GAS7: variants seen among roughly 807,000 people sequenced by gnomAD.
GAS7 encodes growth arrest-specific protein 7.
A neutral mutation model predicts 71.1 loss-of-function variants in GAS7; 28 were observed. That is an observed-to-expected ratio of 0.39 (90% CI 0.29 to 0.54). The LOEUF (loss-of-function observed/expected upper bound fraction) is 0.54, where lower values mean the gene tolerates loss of function less well. Ranked by LOEUF, GAS7 falls within the 20% of genes least tolerant of loss-of-function variation. GAS7 has a pLI of 0.62. For synonymous variants in GAS7, 258 were observed against 245.8 expected (o/e 1.05, Z -0.46); for missense variants, 436 against 627.8 (o/e 0.69, Z 3.27).
intron 5 of GAS7, among the ~76,000 whole-genome samples, chr17:9,947,804 A>G (rs1390895171): frequency 6.7e-6 from 1 of 148,214 alleles, no homozygotes; most frequent in Non-Finnish European, 1.5e-5. Flanking sequence ...AAAATGTGCC[A>G]GGATATATGG....
chr17:10,131,327 C>T (rs1174131457), intron 1 of GAS7, among the ~76,000 whole-genome samples: 3 of 152,192 alleles, frequency 2.0e-5, no homozygotes, highest in African/African-American at 7.2e-5. Context: ...ACTTCAAAGT[C>T]TCATGTATTC....
intron 1 of GAS7, among the ~76,000 whole-genome samples, chr17:10,128,396 G>A (rs191988980): frequency 2.6e-4 from 39 of 152,304 alleles, no homozygotes; most frequent in African/African-American, 9.4e-4. Context: ...AGGGGTGGAT[G>A]GGAGACCCAC....
chr17:9,962,585 A>T (rs1221075957), intron 4 of GAS7, among the ~76,000 whole-genome samples: 1 of 152,216 alleles, frequency 6.6e-6, no homozygotes, highest in Non-Finnish European at 1.5e-5. Context: ...GGGAGAGAAC[A>T]TTTATTTCAG....
intron 11 of GAS7, among the ~76,000 whole-genome samples, chr17:9,920,703 G>A (rs765095957): frequency 3.3e-5 from 5 of 152,212 alleles, no homozygotes; most frequent in Admixed American, 6.5e-5. Flanking sequence ...TCTCATGCAC[G>A]GCTTTGTCTC....
chr17:10,086,392 C>G (rs2073519693), intron 1 of GAS7, among the ~76,000 whole-genome samples: 1 of 152,146 alleles, frequency 6.6e-6, no homozygotes, highest in Non-Finnish European at 1.5e-5. Flanking sequence ...TGAGTGTCCC[C>G]CTGCAACTCT....
At chr17:9,918,600 T>C (rs1176107795) in intron 12 of GAS7, among the ~76,000 whole-genome samples, 3 of 152,208 alleles carry the variant, frequency 2.0e-5, no homozygotes, top group African/African-American at 7.2e-5. Flanking sequence ...TGCCACACAT[T>C]CCTGGGACCT....
intron 1 of GAS7, among the ~76,000 whole-genome samples, chr17:10,020,964 C>T (rs1455483082): frequency 6.6e-6 from 1 of 152,016 alleles, no homozygotes. Flanking sequence ...CAGCCACGAT[C>T]CCTGGGTGCT....
At chr17:10,126,764 G>C (rs1341768423) in intron 1 of GAS7, among the ~76,000 whole-genome samples, 2 of 152,214 alleles carry the variant, frequency 1.3e-5, no homozygotes, top group Admixed American at 1.3e-4. Context: ...CGTGGGGCAC[G>C]GGGAAGAGAC....
Position 10,036,679 on chromosome 17 carries a change from TCCAAATCC to T in GAS7, c.184-16790_184-16783del. ...GAACCCACTACATTGCATAGTTCCT[TCCAAATCC>T]GCTCCAGTGCTTGCTGGGAAATTAA... On this transcript the variant is annotated intron_variant, in intron 1 of 13. Transcript: ENST00000432992. 3.0e-6 allele frequency: 4 copies of T among 1,322,234 alleles called. No homozygotes were observed. The Middle Eastern group carries it at 8.6e-4, about 285-fold the overall frequency. The allele number at this position is 1,322,234 out of a possible 1,614,324, so 81.9% of individuals were successfully genotyped here.
At chr17:10,193,201 G>A (rs1337301537) in intron 1 of GAS7, among the ~76,000 whole-genome samples, 1 of 138,316 alleles carries the variant, frequency 7.2e-6, no homozygotes, top group African/African-American at 2.7e-5. Flanking sequence ...AGGCAAATCT[G>A]ATTTCAAATT....
chr17:10,099,930 C>G (rs1409776182), intron 1 of GAS7, among the ~76,000 whole-genome samples: 1 of 152,210 alleles, frequency 6.6e-6, no homozygotes, highest in Non-Finnish European at 1.5e-5. Context: ...AAGGCCAGAA[C>G]ACTCTTCTGT....
chr17:10,008,663 A>G (rs908190474), intron 2 of GAS7, among the ~76,000 whole-genome samples: 34 of 152,352 alleles, frequency 2.2e-4, no homozygotes, highest in African/African-American at 7.2e-4. Context: ...AACCCACACC[A>G]AAGCGGATTA....
intron 1 of GAS7, among the ~76,000 whole-genome samples, chr17:10,160,811 C>A (rs2074248445): frequency 6.6e-6 from 1 of 152,042 alleles, no homozygotes; most frequent in Admixed American, 6.6e-5. Flanking sequence ...AAACTCCTGG[C>A]CTCAAGCAAT....
chr17:9,964,404 CCT>C (rs1268781922), intron 4 of GAS7, among the ~76,000 whole-genome samples: 1 of 152,174 alleles, frequency 6.6e-6, no homozygotes, highest in Non-Finnish European at 1.5e-5. Flanking sequence ...TAGGATAACC[CCT>C]GAGCTCCTCG....
At chr17:10,172,542 A>AG (rs376872805) in intron 1 of GAS7, among the ~76,000 whole-genome samples, 1 of 152,254 alleles carries the variant, frequency 6.6e-6, no homozygotes. Context: ...AGAAAAAAAA[A>AG]GAAACAGAAA....
intron 1 of GAS7, among the ~76,000 whole-genome samples, chr17:10,089,166 G>C (rs914639496): frequency 8.0e-5 from 12 of 150,384 alleles, no homozygotes; most frequent in Non-Finnish European, 1.8e-4. Flanking sequence ...TCTCAAAAAA[G>C]AAAAAAAAGA....
Position 10,150,575 on chromosome 17 carries a change from T to C in GAS7, c.183+47633A>G, listed in dbSNP as rs182787648. ...AATTGGAGTCATCTGGACTCAGTAATGAGGCTGTTACATTTCTTTTTTTTT... is the reference window on the plus strand; with the variant it reads ...AATTGGAGTCATCTGGACTCAGTAACGAGGCTGTTACATTTCTTTTTTTTT... On this transcript the variant is annotated intron_variant, in intron 1 of 13. Coordinates refer to ENST00000432992, the MANE Select transcript of GAS7 (RefSeq NM_201433.2). Among the ~76,000 whole-genome samples the C allele has an allele frequency of 3.7e-3, 545 of 147,752 alleles. 7 individuals carry two copies. Among genetic ancestry groups the C allele is most frequent in the Non-Finnish European group, 2.8e-3 (188 of 67,530 alleles).
rs117590836 is a variant in GAS7 at position 10,083,609 on chromosome 17, G to A, written c.184-63712C>T. ...CATCCAAGAAGAATGAGGATGCACT[G>A]AACATTGAAGTGTGAGGAGGACAGA... On this transcript the variant is annotated intron_variant, in intron 1 of 13. Coordinates refer to ENST00000432992, the MANE Select transcript of GAS7 (RefSeq NM_201433.2). Among the ~76,000 whole-genome samples, 232 of 152,328 alleles carry A rather than the reference G, an allele frequency of 1.5e-3. 6 individuals are homozygous for A. In the East Asian group the frequency reaches 0.038, roughly 25 times the overall value.
At position 10,155,139 on chromosome 17, in the gene GAS7, C is replaced by G. The variant is rs1225000524; in HGVS notation, c.183+43069G>C. On this transcript the variant is annotated intron_variant, in intron 1 of 13. Transcript: ENST00000432992. ...AAGCGATTCTCCTGTCTCAGCCTCC[C>G]GAGTACCTGGGATTACAGGTGCGTA... 3.9e-5 allele frequency among the ~76,000 whole-genome samples: 6 copies of G among 152,004 alleles called. No individual in the cohort carries two copies. The East Asian group carries it at 1.2e-3, about 29-fold the overall frequency.
Sources: allele counts gnomAD v4.1 joint callset (sites outside exome capture counted in the v4.1 genomes callset), GRCh38; gene constraint gnomAD v4.1.1; transcripts MANE v1.5; gene names NCBI Gene and HGNC (gene_info 2026-07-23, HGNC 2026-07-21).